The following NRXN2 variants were observed in gnomAD, a reference collection of about 807,000 sequenced individuals.
The protein encoded by NRXN2 is neurexin-2-beta.
A neutral mutation model predicts 128.8 loss-of-function variants in NRXN2; 29 were observed. The ratio of observed to expected loss-of-function variants is 0.23; its 90% CI spans 0.17 to 0.31. The LOEUF is 0.31. Ranked by LOEUF, NRXN2 falls within the 10% of genes least tolerant of loss-of-function variation. NRXN2 has a pLI of 1.00. For synonymous variants in NRXN2, 1,098 were observed against 1,075.2 expected, an observed-to-expected ratio of 1.02 and a Z score of -0.41; for missense variants, 1,881 against 2,452.6, an observed-to-expected ratio of 0.77 and a Z score of 4.92.
Position 64,668,461 on chromosome 11 carries a change from G to A in NRXN2, c.1341C>T (p.Phe447=). Reference sequence around the variant, plus strand: ...TACTCACGTCCTTGAGGCAGCCCATGAAGTTGTTGCTGACGGGCGAGCCCG... The same window carrying A: ...TACTCACGTCCTTGAGGCAGCCCATAAAGTTGTTGCTGACGGGCGAGCCCG... ...DLPGSPVSNN[F]MGCLKDVVYK... The change falls in exon 8 of 23, where the codon TTC becomes TTT. Residue 447 remains phenylalanine, a synonymous_variant. Transcript: ENST00000265459. 2 of 1,614,036 alleles carry A rather than the reference G, an allele frequency of 1.2e-6. No homozygotes were observed. Among genetic ancestry groups the A allele is most frequent in the Non-Finnish European group, 1.7e-6 (2 of 1,180,036 alleles).
At chr11:64,638,629 G>A (rs897325733) in intron 17 of NRXN2, among the ~76,000 whole-genome samples, 1 of 152,242 alleles carries the variant, frequency 6.6e-6, no homozygotes, top group African/African-American at 2.4e-5. Flanking sequence ...GAAAGGGTCT[G>A]AAAGGCAAGA....
Position 64,650,558 on chromosome 11 carries a change from T to C in NRXN2, c.2999A>G (p.Gln1000Arg), listed in dbSNP as rs980162470. 1.2e-6 allele frequency: 2 copies of C among 1,614,134 alleles called. No individual in the cohort carries two copies. The highest frequency in any genetic ancestry group is 1.7e-6 in the Non-Finnish European group (2 of 1,180,024). The change falls in exon 15 of 23, where the codon CAG becomes CGG. Residue 1000 changes from glutamine to arginine, a missense_variant. Physicochemically the swap from Gln to Arg is conservative, Grantham distance 43. Coordinates refer to ENST00000265459, the MANE Select transcript of NRXN2 (RefSeq NM_015080.4). ...GNSDKPVNDNQWHNVVVSRDP... is the reference protein window; with the variant it reads ...GNSDKPVNDNRWHNVVVSRDP... ...CCTGGACACCACCACGTTGTGCCACTGGTTGTCATTGACTGGTTTGTCTGA... is the reference window on the plus strand; with the variant it reads ...CCTGGACACCACCACGTTGTGCCACCGGTTGTCATTGACTGGTTTGTCTGA...
chr11:64,695,397 C>T (rs1259951165), intron 3 of NRXN2, among the ~76,000 whole-genome samples: 3 of 152,012 alleles, frequency 2.0e-5, no homozygotes, highest in African/African-American at 7.3e-5. Context: ...TCTTGGGGTT[C>T]CTGGAGAAAG....
At position 64,661,068 on chromosome 11, in the gene NRXN2, T is replaced by C. The variant is rs2048963481; in HGVS notation, c.1870A>G (p.Ser624Gly). The C allele has an allele frequency of 6.2e-7, 1 of 1,613,196 alleles. No homozygotes were observed. Residue 624 changes from serine (S) to glycine (G), a missense_variant, in exon 10 of 23, where the codon AGT (serine) becomes GGT (glycine). Physicochemically the swap from Ser to Gly is moderately conservative, Grantham distance 56. Transcript: ENST00000265459. ...GGGAGACCGCCCAGGTACAGCTCAC[T>C]CTCCAGGTCCAGAATCTCGCTGTCT... ...TGDSEILDLESELYLGGLPEG... is the reference protein window; with the variant it reads ...TGDSEILDLEGELYLGGLPEG...
At position 64,712,927 on chromosome 11, in the gene NRXN2, AC is replaced by A. The variant is rs1392574774; in HGVS notation, c.730+42del. 5 of 1,476,000 alleles carry A rather than the reference AC, an allele frequency of 3.4e-6. No individual in the cohort carries two copies. In the South Asian group the frequency reaches 5.0e-5, roughly 15 times the overall value. 91.4% of individuals were successfully genotyped at this position (1,476,000 alleles called of 1,614,324 possible). Reference sequence around the variant, plus strand: ...CCCCCACGAAGCGCCCCAGGCCCTCACCCCCGCGCCCAGGCACCGGGCGGCC... The same window carrying A: ...CCCCCACGAAGCGCCCCAGGCCCTCACCCCGCGCCCAGGCACCGGGCGGCC... On this transcript the variant is annotated intron_variant, in intron 2 of 22. Coordinates refer to ENST00000265459, the MANE Select transcript of NRXN2 (RefSeq NM_015080.4).
At chr11:64,695,159 C>A (rs1418061449) in intron 3 of NRXN2, among the ~76,000 whole-genome samples, 1 of 152,080 alleles carries the variant, frequency 6.6e-6, no homozygotes, top group African/African-American at 2.4e-5. Flanking sequence ...AATCTGAAAT[C>A]TCTGCTCCCT....
intron 11 of NRXN2, among the ~76,000 whole-genome samples, chr11:64,657,747 G>T (rs574221353): frequency 5.9e-5 from 9 of 152,156 alleles, no homozygotes; most frequent in Non-Finnish European, 8.8e-5. Context: ...GGCCACCTGC[G>T]TGTCCACAGT....
chr11:64,683,489 G>A (rs12575704), intron 6 of NRXN2, among the ~76,000 whole-genome samples: 20,883 of 151,916 alleles, frequency 0.14, 1,683 homozygotes, highest in East Asian at 0.3. Context: ...GTGTGGTAGC[G>A]GGCACCTGTA....
At chr11:64,645,057 G>A (rs756834275) in intron 17 of NRXN2, among the ~76,000 whole-genome samples, 2 of 152,144 alleles carry the variant, frequency 1.3e-5, no homozygotes, top group Non-Finnish European at 2.9e-5. Flanking sequence ...GGAGGCTTCC[G>A]GTGGTGCAGG....
chr11:64,668,321 C>T, intron 8 of NRXN2, 122 bp downstream of exon 8: 1 of 1,260,552 alleles, frequency 7.9e-7, no homozygotes, highest in South Asian at 1.3e-5. Context: ...GGGGGTGTCT[C>T]CCACCATGGA....
intron 6 of NRXN2, among the ~76,000 whole-genome samples, chr11:64,678,483 C>A (rs1252019019): frequency 1.3e-5 from 2 of 152,112 alleles, no homozygotes; most frequent in East Asian, 3.9e-4. Flanking sequence ...CCCTGAGTCT[C>A]CACTTCCCAC....
intron 22 of NRXN2, among the ~76,000 whole-genome samples, chr11:64,608,811 A>G (rs1470327071): frequency 2.0e-5 from 3 of 152,192 alleles, no homozygotes; most frequent in African/African-American, 7.2e-5. Context: ...TGCACAGGGC[A>G]GGCTGGGGCT....
chr11:64,716,342 G>A (rs1228382555), intron 1 of NRXN2, among the ~76,000 whole-genome samples: 1 of 152,156 alleles, frequency 6.6e-6, no homozygotes, highest in Non-Finnish European at 1.5e-5. Context: ...ACCCTTTAGG[G>A]AGATGGCAGA....
At chr11:64,668,695 G>A in intron 7 of NRXN2, 91 bp from the exon 8 acceptor site, 5 of 1,443,090 alleles carry the variant, frequency 3.5e-6, no homozygotes, top group Non-Finnish European at 4.8e-6. Flanking sequence ...AGGGGCCAGA[G>A]GGCAGCAGGG....
At chr11:64,666,204 A>ATTT (rs35403625) in intron 9 of NRXN2, among the ~76,000 whole-genome samples, 19 of 137,186 alleles carry the variant, frequency 1.4e-4, no homozygotes, top group Admixed American at 7.3e-4. Flanking sequence ...GAGTGAGTTA[A>ATTT]TTTTTTTTTT....
chr11:64,672,533 T>C (rs2050767557), intron 7 of NRXN2, among the ~76,000 whole-genome samples: 1 of 152,000 alleles, frequency 6.6e-6, no homozygotes, highest in Non-Finnish European at 1.5e-5. Flanking sequence ...GCTTGGGAGA[T>C]TCCAAGCCCC....
At chr11:64,711,271 G>T (rs563595797) in intron 2 of NRXN2, among the ~76,000 whole-genome samples, 4 of 152,192 alleles carry the variant, frequency 2.6e-5, no homozygotes, top group Non-Finnish European at 5.9e-5. Flanking sequence ...ACTCTGGGGG[G>T]ACGGACACAC....
At position 64,709,097 on chromosome 11, in the gene NRXN2, C is replaced by T. The variant is rs183652576; in HGVS notation, c.730+3873G>A. Among the ~76,000 whole-genome samples the T allele has an allele frequency of 4.4e-3, 662 of 149,572 alleles. 3 individuals carry two copies. The highest frequency in any genetic ancestry group is 5.1e-3 in the Non-Finnish European group (345 of 67,730). On this transcript the variant is annotated intron_variant, in intron 2 of 22. Transcript: ENST00000265459. Reference sequence around the variant, plus strand: ...ATCCCAGCTACTCAGGAGGCTGAGGCAGGAGAATCGCTTGAGCCCAGGAGG... The same window carrying T: ...ATCCCAGCTACTCAGGAGGCTGAGGTAGGAGAATCGCTTGAGCCCAGGAGG...
rs2048933682 is a variant in NRXN2 at position 64,660,880 on chromosome 11, G to A, written c.2058C>T (p.Cys686=). 1.2e-6 allele frequency: 2 copies of A among 1,613,560 alleles called. No individual in the cohort carries two copies. The highest frequency in any genetic ancestry group is 1.7e-5 in the Admixed American group (1 of 60,006). Residue 686 remains cysteine, a synonymous_variant, in exon 10 of 23, where the codon TGC becomes TGT. Transcript: ENST00000265459. This position sits in a 1 kb window ranked among gnomAD's most constrained non-coding sequence, Gnocchi z 5.2. The stretch of plus-strand genomic sequence containing the variant: ...CACACTGCTTCAGCGTCTCCCGGGA[G>A]CAAAAGGGGGCAACGCCCACAGCCC... ...AQGAVGVAPF[C]SRETLKQCAS...
Sources: allele counts gnomAD v4.1 joint callset (sites outside exome capture counted in the v4.1 genomes callset), GRCh38; gene constraint gnomAD v4.1.1; non-coding constraint Gnocchi (gnomAD v3.1); transcripts MANE v1.5; gene names NCBI Gene and HGNC (gene_info 2026-07-23, HGNC 2026-07-21).